The following FILIP1L variants were observed in gnomAD, a reference collection of about 807,000 sequenced individuals.
The protein encoded by FILIP1L is filamin A interacting protein 1 like, also known as filamin A-interacting protein 1-like.
FILIP1L carries 55 observed loss-of-function variants against 96.6 expected under a neutral mutation model. That is an observed-to-expected ratio of 0.57 (90% CI 0.46 to 0.71). The LOEUF is 0.71. Among genes scored for constraint, FILIP1L ranks in the 30% least tolerant of loss-of-function variants. The pLI, the probability that FILIP1L is intolerant of heterozygous loss-of-function variation, is 0.00. For missense variants in FILIP1L, 1,304 were observed against 1,321.2 expected, an observed-to-expected ratio of 0.99 and a Z score of 0.20; for synonymous variants, 467 against 473.9, an observed-to-expected ratio of 0.99 and a Z score of 0.19.
At chr3:99,841,003 A>G (rs1943106783) in intron 5 of FILIP1L, among the ~76,000 whole-genome samples, 1 of 152,228 alleles carries the variant, frequency 6.6e-6, no homozygotes, top group African/African-American at 2.4e-5. Context: ...GCCCAGGTTA[A>G]TAAGCTCTTC....
At chr3:99,887,815 G>A (rs1705957365) in intron 4 of FILIP1L, among the ~76,000 whole-genome samples, 1 of 152,116 alleles carries the variant, frequency 6.6e-6, no homozygotes, top group African/African-American at 2.4e-5. Context: ...GGTCACTGCA[G>A]CCTCGACCTC....
chr3:100,016,772 G>A (rs1385938840), intron 1 of FILIP1L, among the ~76,000 whole-genome samples: 1 of 152,138 alleles, frequency 6.6e-6, no homozygotes, highest in Non-Finnish European at 1.5e-5. Flanking sequence ...GTGCAAAGTT[G>A]CTATAAACTT....
chr3:99,872,062 C>T (rs901443839), intron 4 of FILIP1L, among the ~76,000 whole-genome samples: 3 of 151,958 alleles, frequency 2.0e-5, no homozygotes, highest in African/African-American at 7.3e-5. Context: ...TTCTGTTCTC[C>T]TCTCTTCCTA....
intron 1 of FILIP1L, among the ~76,000 whole-genome samples, chr3:100,073,843 C>T (rs1194884659): frequency 6.6e-6 from 1 of 152,172 alleles, no homozygotes; most frequent in Non-Finnish European, 1.5e-5. Flanking sequence ...TCTTTTTAAG[C>T]TTATGTCCCT....
chr3:100,060,496 A>G (rs1228166977), intron 1 of FILIP1L, among the ~76,000 whole-genome samples: 2 of 152,050 alleles, frequency 1.3e-5, no homozygotes, highest in Admixed American at 6.6e-5. Flanking sequence ...ATCTTCACCC[A>G]AGAAAAAAAA....
rs577065852 is a variant in FILIP1L, at chr3:100,043,031, T to C, written c.-11+71022A>G. 2.6e-5 allele frequency among the ~76,000 whole-genome samples: 4 copies of C among 152,352 alleles called. No homozygotes were observed. In the South Asian group the frequency reaches 8.3e-4, roughly 32 times the overall value. ...ACATAGCCTGTGCTGGTCACAGCCT[T>C]CTTTGCTCATCTCTCTTTACCTCAA... On this transcript the variant is annotated intron_variant, in intron 1 of 5. Transcript: ENST00000477258.
At chr3:100,106,159 T>C (rs1244090915) in intron 1 of FILIP1L, among the ~76,000 whole-genome samples, 1 of 152,126 alleles carries the variant, frequency 6.6e-6, no homozygotes, top group Non-Finnish European at 1.5e-5. Context: ...AGATACCACA[T>C]AGTAAATCAG....
chr3:99,841,340 C>T (rs537540334), intron 5 of FILIP1L, among the ~76,000 whole-genome samples: 1 of 152,340 alleles, frequency 6.6e-6, no homozygotes, highest in African/African-American at 2.4e-5. Flanking sequence ...CTTTCCATTT[C>T]TACTATGCCT....
At chr3:100,073,155 CCA>C (rs1231579132) in intron 1 of FILIP1L, among the ~76,000 whole-genome samples, 1 of 152,064 alleles carries the variant, frequency 6.6e-6, no homozygotes, top group East Asian at 1.9e-4. Context: ...AGAACTAGTA[CCA>C]GGAGTCACAA....
chr3:99,913,252 A>T (rs1576568395), intron 4 of FILIP1L, among the ~76,000 whole-genome samples: 2 of 152,234 alleles, frequency 1.3e-5, no homozygotes, highest in East Asian at 3.8e-4. Context: ...TAAGGCAATA[A>T]TTCTACACTT....
rs117688466 is a variant in FILIP1L, at chr3:99,858,886, T to C, written c.606-7816A>G. Among the ~76,000 whole-genome samples the C allele has an allele frequency of 1.5e-3, 229 of 152,374 alleles. No homozygotes were observed. The East Asian group carries it at 0.039, about 26-fold the overall frequency. ...AAAGCGTCTGGTTTGGGCTGTCACC[T>C]TGTGCTTCTTCTGTCAGCCTTTTGC... is the stretch of plus-strand genomic sequence containing the variant. On this transcript the variant is annotated intron_variant, in intron 4 of 5. Coordinates refer to ENST00000477258, the MANE Select transcript of FILIP1L (RefSeq NM_001387850.1).
intron 5 of FILIP1L, among the ~76,000 whole-genome samples, chr3:99,830,878 A>T (rs1021181574): frequency 6.6e-6 from 1 of 152,252 alleles, no homozygotes; most frequent in African/African-American, 2.4e-5. Flanking sequence ...AGTAGGACAT[A>T]TACAAGAGTA....
At chr3:99,959,482 A>T (rs1011422964) in intron 1 of FILIP1L, among the ~76,000 whole-genome samples, 1 of 152,168 alleles carries the variant, frequency 6.6e-6, no homozygotes, top group Non-Finnish European at 1.5e-5. Context: ...TTTATTTTCT[A>T]TATAAATATT....
intron 5 of FILIP1L, among the ~76,000 whole-genome samples, chr3:99,842,623 T>C (rs1202995453): frequency 1.3e-5 from 2 of 152,034 alleles, no homozygotes; most frequent in Non-Finnish European, 2.9e-5. Context: ...TTTTTCAAAA[T>C]ATTGCCTCAA....
chr3:99,966,726 G>A lies in FILIP1L; in HGVS notation c.-10-35696C>T, dbSNP rs1231904200. 2.0e-5 allele frequency among the ~76,000 whole-genome samples: 3 copies of A among 152,220 alleles called. No homozygotes were observed. The East Asian group carries it at 5.8e-4, about 29-fold the overall frequency. ...ATAGAATCATTCTAATAAATGTAGT[G>A]TGTCAGATTTGAAAAATCATTTGGT... On this transcript the variant is annotated intron_variant, in intron 1 of 5. Transcript: ENST00000477258.
At chr3:99,945,911 C>T (rs948809347) in intron 1 of FILIP1L, among the ~76,000 whole-genome samples, 1 of 152,230 alleles carries the variant, frequency 6.6e-6, no homozygotes, top group African/African-American at 2.4e-5. Flanking sequence ...TTAGAAGTGC[C>T]ACACATGCTT....
intron 1 of FILIP1L, among the ~76,000 whole-genome samples, chr3:99,943,606 A>AGG (rs1397671564): frequency 6.6e-6 from 1 of 152,084 alleles, no homozygotes; most frequent in Non-Finnish European, 1.5e-5. Flanking sequence ...CGGGAGGCTG[A>AGG]GGCAGGAGAA....
intron 1 of FILIP1L, among the ~76,000 whole-genome samples, chr3:100,072,225 A>G (rs1262374116): frequency 6.6e-6 from 1 of 152,220 alleles, no homozygotes; most frequent in African/African-American, 2.4e-5. Flanking sequence ...TTTCAGCTCT[A>G]TCTCCCCAAG....
intron 4 of FILIP1L, among the ~76,000 whole-genome samples, chr3:99,865,355 ATATAT>A (rs1462010198): frequency 2.0e-5 from 3 of 152,000 alleles, no homozygotes. Flanking sequence ...TTCCTATCTC[ATATAT>A]TATATCTCAT....
Sources: gnomAD v4.1 joint callset for allele counts (sites outside exome capture counted in the v4.1 genomes callset) on GRCh38, gnomAD v4.1.1 for gene constraint, MANE v1.5 for transcripts, NCBI Gene and HGNC (gene_info 2026-07-23, HGNC 2026-07-21) for gene names.